Variants in BIVM observed in about 807,000 individuals in gnomAD.
The protein encoded by BIVM is basic, immunoglobulin-like variable motif containing.
BIVM carries 31 observed loss-of-function variants against 61.4 expected under a neutral mutation model. The ratio of observed to expected loss-of-function variants is 0.51; its 90% CI spans 0.38 to 0.68. The LOEUF (loss-of-function observed/expected upper bound fraction) is 0.68, where lower values mean the gene tolerates loss of function less well. Among genes scored for constraint, BIVM ranks in the 30% least tolerant of loss-of-function variants. The pLI is 0.00. For missense variants in BIVM, 526 were observed against 596.0 expected (o/e 0.88, Z 1.22); for synonymous variants, 189 against 210.7 (o/e 0.90, Z 0.89).
In BIVM at chr13:102,831,417, C is replaced by A. The variant is rs16960599; in HGVS notation, c.902-148C>A. The A allele has an allele frequency of 6.6e-6, 8 of 1,212,426 alleles. No individual in the cohort carries two copies. The East Asian group carries it at 1.2e-4, about 18-fold the overall frequency. 75.1% of individuals were successfully genotyped at this position (1,212,426 alleles called of 1,614,324 possible). On this transcript the variant is annotated intron_variant, in intron 7 of 10. Transcript: ENST00000257336. ...ATACATTTATTAACATTTTTTGTACCTATCAATAGCTTCTTGTTTTTCCCC... is the reference window on the plus strand; with the variant it reads ...ATACATTTATTAACATTTTTTGTACATATCAATAGCTTCTTGTTTTTCCCC...
At chr13:102,831,392 A>G (rs1323881880) in intron 7 of BIVM, among the ~76,000 whole-genome samples, 173 bp from the exon 8 acceptor site, 1 of 152,216 alleles carries the variant, frequency 6.6e-6, no homozygotes, top group Non-Finnish European at 1.5e-5. Flanking sequence ...GTAAAACAGA[A>G]TACATTTATT....
At position 102,827,182 on chromosome 13, in the gene BIVM, A is replaced by C. The variant is rs528629594; in HGVS notation, c.902-4383A>C. Among the ~76,000 whole-genome samples the C allele has an allele frequency of 3.3e-5, 5 of 151,258 alleles. No homozygotes were observed. The South Asian group carries it at 8.4e-4, about 25-fold the overall frequency. Reference sequence around the variant, plus strand: ...TTTTCCAATAGTCTGGTACCTCCCAAGTTCTTTGTGACTTATTTAAATGTA... The same window carrying C: ...TTTTCCAATAGTCTGGTACCTCCCACGTTCTTTGTGACTTATTTAAATGTA... On this transcript the variant is annotated intron_variant, in intron 7 of 10. Transcript: ENST00000257336.
chr13:102,801,322 C>T (rs1878744445), intron 1 of BIVM, among the ~76,000 whole-genome samples: 1 of 151,736 alleles, frequency 6.6e-6, no homozygotes, highest in Non-Finnish European at 1.5e-5. Context: ...ACTGTAACCT[C>T]CACCTCTGGT....
At chr13:102,825,006 G>T (rs762607990) in intron 7 of BIVM, among the ~76,000 whole-genome samples, 81 of 151,930 alleles carry the variant, frequency 5.3e-4, no homozygotes, top group Non-Finnish European at 8.7e-4. Context: ...TCAGTGGCGC[G>T]ATCTTGGCTC....
At chr13:102,834,350 G>T in intron 8 of BIVM, 116 bp from the exon 9 acceptor site, 1 of 1,009,194 alleles carries the variant, frequency 9.9e-7, no homozygotes, top group Non-Finnish European at 1.4e-6. Context: ...GTCTGTTCTT[G>T]ATGAATGAAT....
chr13:102,808,832 G>A (rs188315844), intron 3 of BIVM, among the ~76,000 whole-genome samples: 20 of 152,020 alleles, frequency 1.3e-4, no homozygotes, highest in Admixed American at 1.1e-3. Flanking sequence ...CAAATTTGGG[G>A]GCTTAAAGTT....
At chr13:102,823,810 T>A (rs1207839600) in intron 7 of BIVM, among the ~76,000 whole-genome samples, 2 of 152,228 alleles carry the variant, frequency 1.3e-5, no homozygotes, top group Non-Finnish European at 2.9e-5. Context: ...AATCTGCTTT[T>A]AAAAATAACC....
chr13:102,800,899 A>G (rs78968156), intron 1 of BIVM, among the ~76,000 whole-genome samples: 4,152 of 152,312 alleles, frequency 0.027, 64 homozygotes, highest in Non-Finnish European at 0.032. Flanking sequence ...CCTTCTATAC[A>G]GGATATCGAT....
intron 8 of BIVM, among the ~76,000 whole-genome samples, chr13:102,832,987 TG>T (rs1438940895): frequency 6.6e-6 from 1 of 151,956 alleles, no homozygotes; most frequent in African/African-American, 2.4e-5. Flanking sequence ...AATTGGTGGG[TG>T]GGGTGCAGTG....
At chr13:102,818,943 T>C (rs1271228027) in intron 4 of BIVM, among the ~76,000 whole-genome samples, 2 of 152,182 alleles carry the variant, frequency 1.3e-5, no homozygotes, top group Non-Finnish European at 2.9e-5. Context: ...AAGATAAATG[T>C]TGTAAAATAT....
intron 7 of BIVM, among the ~76,000 whole-genome samples, chr13:102,830,927 C>T (rs959272191): frequency 4.6e-5 from 7 of 152,122 alleles, no homozygotes; most frequent in Non-Finnish European, 1.5e-5. Context: ...CCTCCCAGCA[C>T]GCAGGCCAGC....
chr13:102,839,518 T>G, intron 10 of BIVM, 54 bp from the exon 11 acceptor site: 1 of 1,591,878 alleles, frequency 6.3e-7, no homozygotes, highest in Non-Finnish European at 8.6e-7. Flanking sequence ...GACCTACAAA[T>G]TAGTACAATT....
chr13:102,806,770 C>T (rs907459835), intron 2 of BIVM, among the ~76,000 whole-genome samples: 10 of 151,892 alleles, frequency 6.6e-5, no homozygotes, highest in Middle Eastern at 3.4e-3. Context: ...ATTAGCCGGG[C>T]GTGGTGGCGC....
In BIVM at chr13:102,816,510, T is replaced by A; in HGVS notation, c.561T>A (p.Pro187=). 6.3e-7 allele frequency: 1 copy of A among 1,593,004 alleles called. No homozygotes were observed. The highest frequency in any genetic ancestry group is 8.5e-7 in the Non-Finnish European group (1 of 1,173,108). The part of the protein sequence containing the change: ...RYQKECPQHS[P]LEDIKQRKVL... ...AGAAGGAATGTCCTCAGCATTCTCC[T>A]CTTGAAGATATTAAACAGCGGAAAG... The change falls in exon 4 of 11, where the codon CCT becomes CCA. Residue 187 remains proline, a synonymous_variant. Coordinates refer to ENST00000257336, the MANE Select transcript of BIVM (RefSeq NM_017693.4).
chr13:102,823,957 G>T (rs1055367975), intron 7 of BIVM, among the ~76,000 whole-genome samples: 4 of 151,998 alleles, frequency 2.6e-5, no homozygotes, highest in Non-Finnish European at 5.9e-5. Flanking sequence ...CTTATTTGAG[G>T]TGTCTTCGTG....
intron 7 of BIVM, among the ~76,000 whole-genome samples, chr13:102,822,379 T>C (rs1880352111): frequency 6.6e-6 from 1 of 152,348 alleles, no homozygotes; most frequent in Non-Finnish European, 1.5e-5. Context: ...GTAGAACCTT[T>C]AGAACTTTAA....
intron 8 of BIVM, among the ~76,000 whole-genome samples, chr13:102,833,176 C>T (rs1400774731): frequency 5.3e-5 from 8 of 151,492 alleles, no homozygotes; most frequent in Non-Finnish European, 2.9e-5. Flanking sequence ...GGAGGATCGC[C>T]TGAGCTGAGA....
Position 102,834,641 on chromosome 13 carries a change from A to T in BIVM, c.1121+89A>T, listed in dbSNP as rs187558226. On this transcript the variant is annotated intron_variant, in intron 9 of 10. Transcript: ENST00000257336. ...ATCTTAGTTGTATATAATTAGTTTG[A>T]TAAATGAATGCACCTGTATAATCAC... is the stretch of plus-strand genomic sequence containing the variant. The T allele has an allele frequency of 1.6e-4, 197 of 1,258,516 alleles. 2 individuals carry two copies. In the East Asian group the frequency reaches 5.2e-3, roughly 33 times the overall value. The allele number at this position is 1,258,516 out of a possible 1,614,324, so 78.0% of individuals were successfully genotyped here.
intron 7 of BIVM, among the ~76,000 whole-genome samples, chr13:102,827,171 G>T (rs534134283): frequency 1.9e-4 from 28 of 150,900 alleles, no homozygotes; most frequent in Non-Finnish European, 3.1e-4. Flanking sequence ...CCAATAGTCT[G>T]GTACCTCCCA....
Sources: gnomAD v4.1 joint callset for allele counts (sites outside exome capture counted in the v4.1 genomes callset) on GRCh38, gnomAD v4.1.1 for gene constraint, MANE v1.5 for transcripts, NCBI Gene and HGNC (gene_info 2026-07-23, HGNC 2026-07-21) for gene names.